The following KCNJ3 variants were observed in gnomAD, a reference collection of about 807,000 sequenced individuals.
KCNJ3 encodes the protein potassium inwardly rectifying channel subfamily J member 3, also known as G protein-activated inward rectifier potassium channel 1.
A neutral mutation model predicts 39.2 loss-of-function variants in KCNJ3; 4 were observed. The observed-to-expected ratio is 0.10, with a 90% confidence interval of 0.05 to 0.23. The LOEUF (loss-of-function observed/expected upper bound fraction) is 0.23, where lower values mean the gene tolerates loss of function less well. KCNJ3 is among the 10% of genes least tolerant of loss of function. The pLI, the probability that KCNJ3 is intolerant of heterozygous loss-of-function variation, is 1.00. For synonymous variants in KCNJ3, 230 were observed against 237.4 expected, an observed-to-expected ratio of 0.97 and a Z score of 0.29; for missense variants, 276 against 634.9, an observed-to-expected ratio of 0.43 and a Z score of 6.08.
At chr2:154,820,346 T>C (rs115148565) in intron 2 of KCNJ3, among the ~76,000 whole-genome samples, 39 of 152,300 alleles carry the variant, frequency 2.6e-4, no homozygotes, top group African/African-American at 9.1e-4. Flanking sequence ...TCTTTATCCA[T>C]TGTATTTCCT....
At chr2:154,810,738 A>G (rs1050581476) in intron 2 of KCNJ3, among the ~76,000 whole-genome samples, 1 of 152,224 alleles carries the variant, frequency 6.6e-6, no homozygotes, top group Non-Finnish European at 1.5e-5. Context: ...ACCAAAATTC[A>G]TTAGCTAGAA....
At chr2:154,700,680 C>T (rs1684877738) in intron 1 of KCNJ3, among the ~76,000 whole-genome samples, 1 of 152,188 alleles carries the variant, frequency 6.6e-6, no homozygotes, top group Non-Finnish European at 1.5e-5. Flanking sequence ...TTGTTTTACA[C>T]AGCCCCAACT....
At chr2:154,781,249 G>A (rs1196168371) in intron 2 of KCNJ3, among the ~76,000 whole-genome samples, 1 of 152,140 alleles carries the variant, frequency 6.6e-6, no homozygotes, top group African/African-American at 2.4e-5. Flanking sequence ...TTAATTTATA[G>A]AACTGTAAAA....
chr2:154,768,039 T>G (rs1164621132), intron 2 of KCNJ3, among the ~76,000 whole-genome samples: 1 of 152,174 alleles, frequency 6.6e-6, no homozygotes, highest in Non-Finnish European at 1.5e-5. Flanking sequence ...GGTTGTTTGA[T>G]TTTTTCTTGT....
chr2:154,770,880 TTTTTTC>T (rs1393965783), intron 2 of KCNJ3, among the ~76,000 whole-genome samples: 1 of 144,600 alleles, frequency 6.9e-6, no homozygotes, highest in African/African-American at 2.5e-5. Context: ...GATTTTTTTC[TTTTTTC>T]TTTTTCTTTT....
chr2:154,813,825 A>G (rs1316327056), intron 2 of KCNJ3, among the ~76,000 whole-genome samples: 1 of 152,212 alleles, frequency 6.6e-6, no homozygotes, highest in Non-Finnish European at 1.5e-5. Context: ...ATAGGCCGTG[A>G]TGATGTCAAC....
chr2:154,730,280 T>A (rs2105166712), intron 2 of KCNJ3, among the ~76,000 whole-genome samples: 1 of 152,108 alleles, frequency 6.6e-6, no homozygotes, highest in East Asian at 1.9e-4. Flanking sequence ...AATTGAGTAG[T>A]TTTAGTTGTA....
At chr2:154,724,898 T>C (rs983836792) in intron 2 of KCNJ3, among the ~76,000 whole-genome samples, 1 of 126,246 alleles carries the variant, frequency 7.9e-6, no homozygotes, top group African/African-American at 3.1e-5. Flanking sequence ...TGTATGTATA[T>C]ATACAAGATA....
chr2:154,701,547 GATA>G lies in KCNJ3; in HGVS notation c.702+2076_702+2078del, dbSNP rs750783390. Among the ~76,000 whole-genome samples, 5 of 152,114 alleles carry G rather than the reference GATA, an allele frequency of 3.3e-5. No individual in the cohort carries two copies. In the East Asian group the frequency reaches 9.6e-4, roughly 29 times the overall value. ...AGTCTCTACACTGGTGCAGGGTACT[GATA>G]ATAATTTTTCTGCCTAAGGAAATGT... On this transcript the variant is annotated intron_variant, in intron 1 of 2. Coordinates refer to ENST00000295101, the MANE Select transcript of KCNJ3 (RefSeq NM_002239.4).
chr2:154,780,167 G>T (rs1307663683), intron 2 of KCNJ3, among the ~76,000 whole-genome samples: 3 of 152,116 alleles, frequency 2.0e-5, no homozygotes, highest in Non-Finnish European at 1.5e-5. Flanking sequence ...ACTAAGGAGG[G>T]ATTGTGGTAA....
intron 2 of KCNJ3, among the ~76,000 whole-genome samples, chr2:154,719,602 C>G (rs1685234015): frequency 6.6e-6 from 1 of 152,112 alleles, no homozygotes; most frequent in African/African-American, 2.4e-5. Context: ...ATCCTTGAAA[C>G]TGCTACACAC....
chr2:154,773,053 A>T (rs1309301106), intron 2 of KCNJ3, among the ~76,000 whole-genome samples: 1 of 152,170 alleles, frequency 6.6e-6, no homozygotes, highest in Admixed American at 6.6e-5. Context: ...TGCCCCGAAT[A>T]GATTAATATA....
At chr2:154,801,445 T>C (rs920724004) in intron 2 of KCNJ3, among the ~76,000 whole-genome samples, 2 of 152,156 alleles carry the variant, frequency 1.3e-5, no homozygotes, top group Non-Finnish European at 2.9e-5. Flanking sequence ...CCTCATTTTT[T>C]CCAAGGGCCT....
intron 2 of KCNJ3, among the ~76,000 whole-genome samples, chr2:154,759,656 C>T (rs1418107036): frequency 6.6e-6 from 1 of 151,990 alleles, no homozygotes; most frequent in Non-Finnish European, 1.5e-5. Context: ...TCTTACTTCT[C>T]CCAAGGAAAT....
chr2:154,793,734 T>G (rs1438165065), intron 2 of KCNJ3, among the ~76,000 whole-genome samples: 2 of 152,084 alleles, frequency 1.3e-5, no homozygotes, highest in African/African-American at 4.8e-5. Context: ...GTTTAAGTTT[T>G]GCTGAGACCA....
At position 154,829,399 on chromosome 2, in the gene KCNJ3, C is replaced by T. The variant is rs184921457; in HGVS notation, c.920-25328C>T. 3.5e-3 allele frequency among the ~76,000 whole-genome samples: 531 copies of T among 152,124 alleles called. 2 individuals are homozygous for T. Among genetic ancestry groups the T allele is most frequent in the Middle Eastern group, 6.8e-3 (2 of 294 alleles). On this transcript the variant is annotated intron_variant, in intron 2 of 2. Coordinates refer to ENST00000295101, the MANE Select transcript of KCNJ3 (RefSeq NM_002239.4). ...TGTAATATTTGGTTTTCTGTTCCTG[C>T]GTTAGTTTGCTTAGGATAATGTCTT...
chr2:154,789,899 A>C (rs1686596965), intron 2 of KCNJ3, among the ~76,000 whole-genome samples: 1 of 152,184 alleles, frequency 6.6e-6, no homozygotes, highest in South Asian at 2.1e-4. Context: ...AAAATAAAGG[A>C]ATACAAAATG....
At chr2:154,775,006 T>A (rs963237357) in intron 2 of KCNJ3, among the ~76,000 whole-genome samples, 5 of 152,172 alleles carry the variant, frequency 3.3e-5, no homozygotes, top group Non-Finnish European at 7.3e-5. Context: ...TCTCTCTACC[T>A]CCTTGGCTCA....
At chr2:154,759,704 A>T (rs576700403) in intron 2 of KCNJ3, among the ~76,000 whole-genome samples, 29 of 152,282 alleles carry the variant, frequency 1.9e-4, no homozygotes, top group African/African-American at 7.0e-4. Flanking sequence ...AATCATATTT[A>T]TATAAGCCCA....
Sources: gnomAD v4.1 joint callset for allele counts (sites outside exome capture counted in the v4.1 genomes callset) on GRCh38, gnomAD v4.1.1 for gene constraint, MANE v1.5 for transcripts, NCBI Gene and HGNC (gene_info 2026-07-23, HGNC 2026-07-21) for gene names.